Variants in FMNL2 observed in about 807,000 individuals in gnomAD.
The protein encoded by FMNL2 is formin-like protein 2.
In FMNL2, 51 loss-of-function variants were observed where a neutral mutation model predicts 130.2. That is an observed-to-expected ratio of 0.39 (90% CI 0.31 to 0.49). The LOEUF (loss-of-function observed/expected upper bound fraction) is 0.49. FMNL2 is among the 20% of genes least tolerant of loss of function. FMNL2 has a pLI of 0.85. For synonymous variants in FMNL2, 465 were observed against 467.1 expected (o/e 1.00, Z 0.06); for missense variants, 977 against 1,316.2 (o/e 0.74, Z 3.99).
chr2:152,624,811 C>G (rs899008433), intron 15 of FMNL2, among the ~76,000 whole-genome samples: 1 of 152,126 alleles, frequency 6.6e-6, no homozygotes, highest in East Asian at 1.9e-4. Context: ...CACTGCAGCC[C>G]GGGTGACAGA....
chr2:152,512,581 T>G (rs1692547343), intron 1 of FMNL2, among the ~76,000 whole-genome samples: 1 of 152,172 alleles, frequency 6.6e-6, no homozygotes, highest in Non-Finnish European at 1.5e-5. Context: ...AACATAAATA[T>G]GTACATAGTG....
chr2:152,599,694 A>G (rs551912965), intron 9 of FMNL2, among the ~76,000 whole-genome samples: 2 of 152,148 alleles, frequency 1.3e-5, no homozygotes, highest in Non-Finnish European at 2.9e-5. Flanking sequence ...CCTCAGGCTC[A>G]TAGTCATCTC....
intron 6 of FMNL2, among the ~76,000 whole-genome samples, chr2:152,568,223 T>TTTTTTTTTTTTTTTTTGTTTTTG: frequency 7.6e-6 from 1 of 132,304 alleles, no homozygotes; most frequent in East Asian, 2.2e-4. Context: ...GGTGGGTTTT[T>TTTTTTTTTTTTTTTTTGTTTTTG]TTTTTTTTTT....
intron 1 of FMNL2, among the ~76,000 whole-genome samples, chr2:152,462,011 T>G (rs1389187948): frequency 6.6e-6 from 1 of 152,050 alleles, no homozygotes; most frequent in African/African-American, 2.4e-5. Flanking sequence ...TCCTCCCACC[T>G]CAGTCTCCCA....
At chr2:152,566,464 G>A (rs1695843807) in intron 6 of FMNL2, among the ~76,000 whole-genome samples, 1 of 152,128 alleles carries the variant, frequency 6.6e-6, no homozygotes. Context: ...GAAACAACTT[G>A]CCTTGGGTCG....
chr2:152,615,085 T>C, intron 12 of FMNL2, 85 bp downstream of exon 12: 1 of 1,485,820 alleles, frequency 6.7e-7, no homozygotes, highest in Non-Finnish European at 9.2e-7. Context: ...TGGTGGTAAA[T>C]TTAAGGATTT....
At chr2:152,594,082 G>A (rs901476327) in intron 9 of FMNL2, among the ~76,000 whole-genome samples, 3 of 152,148 alleles carry the variant, frequency 2.0e-5, no homozygotes, top group Non-Finnish European at 2.9e-5. Flanking sequence ...GGGGAAGGTG[G>A]TCAAGAGGAT....
At chr2:152,419,403 C>T (rs761143901) in intron 1 of FMNL2, among the ~76,000 whole-genome samples, 2 of 152,024 alleles carry the variant, frequency 1.3e-5, no homozygotes, top group African/African-American at 2.4e-5. Flanking sequence ...CTGTCATTTG[C>T]GACAACATGA....
In FMNL2 at chr2:152,599,479, C is replaced by A. The variant is rs1292006868; in HGVS notation, c.877-7860C>A. Among the ~76,000 whole-genome samples, 3 of 116,380 alleles carry A rather than the reference C, an allele frequency of 2.6e-5. No homozygotes were observed. In the South Asian group the frequency reaches 9.1e-4, roughly 35 times the overall value. The allele number at this position is 116,380 out of a possible 152,430, so 76.3% of individuals were successfully genotyped here. A position where few individuals can be genotyped will look rare whatever the true frequency, so the allele number is the denominator to read the frequency against. The stretch of plus-strand genomic sequence containing the variant: ...GACATTTCTCATTGAAGGGGTGATG[C>A]GTCAATGAGTCGTCCTTTGGGGATT... On this transcript the variant is annotated intron_variant, in intron 9 of 25. Transcript: ENST00000288670.
intron 17 of FMNL2, 120 bp downstream of exon 17, chr2:152,626,847 A>C (rs1382407668): frequency 1.8e-5 from 19 of 1,027,314 alleles, no homozygotes; most frequent in Non-Finnish European, 1.9e-5. Flanking sequence ...AAGCTGGAGC[A>C]ATTTTTGATA....
At chr2:152,337,012 A>G (rs1006090018) in intron 1 of FMNL2, among the ~76,000 whole-genome samples, 3 of 152,130 alleles carry the variant, frequency 2.0e-5, no homozygotes, top group African/African-American at 4.8e-5. Context: ...GCCTTGAAAA[A>G]GGAATGGTTT....
chr2:152,399,536 G>T (rs962895894), intron 1 of FMNL2, among the ~76,000 whole-genome samples: 1 of 152,202 alleles, frequency 6.6e-6, no homozygotes, highest in African/African-American at 2.4e-5. Context: ...CTACCTGCCA[G>T]TGTCAAGGTA....
chr2:152,497,087 A>G (rs1691557419), intron 1 of FMNL2, among the ~76,000 whole-genome samples: 1 of 152,164 alleles, frequency 6.6e-6, no homozygotes, highest in South Asian at 2.1e-4. Flanking sequence ...ATATGTGTAT[A>G]CATATACATA....
rs73969197 is a variant in FMNL2, at chr2:152,582,160, C to T, written c.876+1111C>T. Among the ~76,000 whole-genome samples the T allele has an allele frequency of 3.2e-3, 487 of 152,278 alleles. 5 individuals are homozygous for T. The highest frequency in any genetic ancestry group is 0.011 in the African/African-American group (467 of 41,558). On this transcript the variant is annotated intron_variant, in intron 9 of 25. Coordinates refer to ENST00000288670, the MANE Select transcript of FMNL2 (RefSeq NM_052905.4). ...AGAGCCAGGAACAGGACTTGGTGCT[C>T]CTGATCCTGAACTTCCTTGAAATGT...
At chr2:152,486,893 A>G (rs1690858431) in intron 1 of FMNL2, among the ~76,000 whole-genome samples, 1 of 152,256 alleles carries the variant, frequency 6.6e-6, no homozygotes, top group Admixed American at 6.5e-5. Flanking sequence ...ATATTCTAGC[A>G]AAATATAACA....
chr2:152,631,110 G>T (rs1036658408), intron 20 of FMNL2, among the ~76,000 whole-genome samples: 2 of 152,100 alleles, frequency 1.3e-5, no homozygotes, highest in Non-Finnish European at 2.9e-5. Flanking sequence ...AATAGGCCAG[G>T]CCTGGTGGCT....
intron 9 of FMNL2, among the ~76,000 whole-genome samples, chr2:152,581,647 G>A (rs780565222): frequency 3.3e-5 from 5 of 152,112 alleles, no homozygotes; most frequent in Non-Finnish European, 7.4e-5. Context: ...CCCTGCCCCA[G>A]TGTATCCAAA....
rs545063407 is a variant in FMNL2 at position 152,392,057 on chromosome 2, A to C, written c.117+56337A>C. On this transcript the variant is annotated intron_variant, in intron 1 of 25. Coordinates refer to ENST00000288670, the MANE Select transcript of FMNL2 (RefSeq NM_052905.4). ...TACAATAATTCATTCTTTAATTTCA[A>C]ATTTTTATGCTATTTTCATATTGTT... is the stretch of plus-strand genomic sequence containing the variant. Among the ~76,000 whole-genome samples the C allele has an allele frequency of 2.6e-5, 4 of 152,074 alleles. No individual in the cohort carries two copies. The South Asian group carries it at 8.3e-4, about 32-fold the overall frequency.
At chr2:152,461,713 A>C (rs1262680837) in intron 1 of FMNL2, among the ~76,000 whole-genome samples, 1 of 152,218 alleles carries the variant, frequency 6.6e-6, no homozygotes, top group African/African-American at 2.4e-5. Context: ...TTCTACCTTT[A>C]ATACTTAAAT....
Sources: gnomAD v4.1 joint callset for allele counts (sites outside exome capture counted in the v4.1 genomes callset) on GRCh38, gnomAD v4.1.1 for gene constraint, MANE v1.5 for transcripts, NCBI Gene and HGNC (gene_info 2026-07-23, HGNC 2026-07-21) for gene names.